SLC39A11: variants seen among roughly 807,000 people sequenced by gnomAD.
The protein encoded by SLC39A11 is zinc transporter ZIP11.
SLC39A11 carries 33 observed loss-of-function variants against 36.1 expected under a neutral mutation model. The ratio of observed to expected loss-of-function variants is 0.91; its 90% CI spans 0.69 to 1.22. The LOEUF (loss-of-function observed/expected upper bound fraction) is 1.22. SLC39A11 is among the 50% of genes most tolerant of loss of function. The pLI is 0.00. For missense variants in SLC39A11, 432 were observed against 430.3 expected (o/e 1.00, Z -0.03); for synonymous variants, 166 against 170.3 (o/e 0.97, Z 0.20).
chr17:72,749,941 G>A (rs1390731045), intron 6 of SLC39A11, among the ~76,000 whole-genome samples: 2 of 152,170 alleles, frequency 1.3e-5, no homozygotes, highest in African/African-American at 2.4e-5. Context: ...TGGCTGGGAA[G>A]GCCTGCAGCT....
chr17:73,029,956 A>G (rs1019534232), intron 4 of SLC39A11, among the ~76,000 whole-genome samples: 1 of 152,158 alleles, frequency 6.6e-6, no homozygotes, highest in Non-Finnish European at 1.5e-5. Context: ...TTTTGGCACC[A>G]AGGACTGGTT....
intron 6 of SLC39A11, among the ~76,000 whole-genome samples, chr17:72,767,056 A>T (rs2075782685): frequency 6.6e-6 from 1 of 152,116 alleles, no homozygotes; most frequent in South Asian, 2.1e-4. Flanking sequence ...AAGCTCTCTC[A>T]CCAATAAATA....
chr17:73,008,105 A>AAACAAGAAAAAG (rs2090285534), intron 4 of SLC39A11, among the ~76,000 whole-genome samples: 1 of 139,624 alleles, frequency 7.2e-6, no homozygotes. Context: ...TCAGTCTCAA[A>AAACAAGAAAAAG]AAAAAGAAAA....
chr17:72,711,980 G>T (rs1296031134), intron 7 of SLC39A11, among the ~76,000 whole-genome samples: 1 of 152,226 alleles, frequency 6.6e-6, no homozygotes, highest in African/African-American at 2.4e-5. Flanking sequence ...TCTGTACCTT[G>T]AACAGAAGCA....
intron 7 of SLC39A11, among the ~76,000 whole-genome samples, chr17:72,656,493 G>A (rs1178858571): frequency 6.6e-6 from 1 of 152,266 alleles, no homozygotes; most frequent in East Asian, 1.9e-4. Context: ...TGGGACAGGA[G>A]AGGAGAGAGG....
chr17:72,952,387 G>A (rs1162599478), intron 4 of SLC39A11, among the ~76,000 whole-genome samples: 1 of 152,176 alleles, frequency 6.6e-6, no homozygotes, highest in Non-Finnish European at 1.5e-5. Flanking sequence ...TTATCATAGC[G>A]TCCCTGGCGG....
At chr17:73,011,339 G>A (rs1468575028) in intron 4 of SLC39A11, among the ~76,000 whole-genome samples, 8 of 152,172 alleles carry the variant, frequency 5.3e-5, no homozygotes, top group East Asian at 1.9e-4. Flanking sequence ...GGCTGCAGAC[G>A]GCAGTTAGGG....
At position 72,783,004 on chromosome 17, in the gene SLC39A11, C is replaced by CAAA. The variant is rs34750819; in HGVS notation, c.602-46288_602-46286dup. Reference sequence around the variant, plus strand: ...ATGACAGCGCAAGACTCTGTCTCAACAAAAAAAAAAAAAAAAAAGAAAAAA... The same window carrying CAAA: ...ATGACAGCGCAAGACTCTGTCTCAACAAAAAAAAAAAAAAAAAAAAAGAAAAAA... On this transcript the variant is annotated intron_variant, in intron 6 of 9. Coordinates refer to ENST00000255559, the MANE Select transcript of SLC39A11 (RefSeq NM_139177.4). 4.7e-3 allele frequency among the ~76,000 whole-genome samples: 384 copies of CAAA among 80,980 alleles called. 25 individuals are homozygous for CAAA. The highest frequency in any genetic ancestry group is 0.019 in the East Asian group (42 of 2,250). The allele number at this position is 80,980 out of a possible 152,430, so 53.1% of individuals were successfully genotyped here.
intron 6 of SLC39A11, among the ~76,000 whole-genome samples, chr17:72,844,052 T>C (rs776465151): frequency 9.9e-5 from 15 of 152,238 alleles, no homozygotes; most frequent in Non-Finnish European, 1.8e-4. Flanking sequence ...CGATTCTCCA[T>C]TTAGTCATTG....
intron 5 of SLC39A11, among the ~76,000 whole-genome samples, chr17:72,890,902 A>T (rs1410361189): frequency 6.6e-6 from 1 of 152,162 alleles, no homozygotes; most frequent in Non-Finnish European, 1.5e-5. Context: ...GAAGGATGAG[A>T]ATGATTAAGC....
intron 6 of SLC39A11, among the ~76,000 whole-genome samples, chr17:72,786,360 A>C (rs2076515099): frequency 6.6e-6 from 1 of 152,178 alleles, no homozygotes; most frequent in African/African-American, 2.4e-5. Context: ...TGCCAACAAA[A>C]TTTTACACTT....
rs146245456 is a variant in SLC39A11 at position 72,794,920 on chromosome 17, G to A, written c.601+54714C>T. 1.8e-3 allele frequency among the ~76,000 whole-genome samples: 280 copies of A among 152,148 alleles called. 6 individuals are homozygous for A. The highest frequency in any genetic ancestry group is 6.8e-3 in the Middle Eastern group (2 of 294). ...AGGCACAAGACCTGTCAACATCCAC[G>A]ACATTAGCATCCACACTGGATATGA... On this transcript the variant is annotated intron_variant, in intron 6 of 9. Transcript: ENST00000255559.
At chr17:73,028,018 C>T (rs776932279) in intron 4 of SLC39A11, among the ~76,000 whole-genome samples, 6 of 152,166 alleles carry the variant, frequency 3.9e-5, no homozygotes, top group Non-Finnish European at 7.3e-5. Flanking sequence ...TCCTGGGGCC[C>T]GTCCCAAAGG....
intron 6 of SLC39A11, among the ~76,000 whole-genome samples, chr17:72,779,108 G>A (rs2076222571): frequency 1.3e-5 from 2 of 152,172 alleles, no homozygotes; most frequent in Admixed American, 1.3e-4. Flanking sequence ...TTTTCACTTA[G>A]TGTCCACCTG....
intron 4 of SLC39A11, among the ~76,000 whole-genome samples, chr17:72,979,799 A>C (rs1297655057): frequency 6.6e-6 from 1 of 152,180 alleles, no homozygotes; most frequent in Non-Finnish European, 1.5e-5. Context: ...CAGCTGGCAG[A>C]GTCTCAAACC....
intron 7 of SLC39A11, among the ~76,000 whole-genome samples, chr17:72,656,858 C>T (rs901410972): frequency 2.6e-5 from 4 of 151,838 alleles, no homozygotes; most frequent in Admixed American, 6.6e-5. Flanking sequence ...TTTTAAACAT[C>T]GAAGGCCGGG....
chr17:72,924,983 CAG>C (rs1452094849), intron 5 of SLC39A11, among the ~76,000 whole-genome samples: 1 of 127,570 alleles, frequency 7.8e-6, no homozygotes, highest in African/African-American at 3.2e-5. Context: ...GCCTGGGTGA[CAG>C]AGTGAGACTC....
At chr17:72,973,965 T>C (rs987122521) in intron 4 of SLC39A11, among the ~76,000 whole-genome samples, 12 of 152,282 alleles carry the variant, frequency 7.9e-5, no homozygotes, top group African/African-American at 2.9e-4. Context: ...GTGTGCATGA[T>C]GACATGAAAG....
At chr17:72,850,271 C>T (rs1567820770) in intron 5 of SLC39A11, among the ~76,000 whole-genome samples, 1 of 151,386 alleles carries the variant, frequency 6.6e-6, no homozygotes, top group Non-Finnish European at 1.5e-5. Flanking sequence ...CAACATGGCA[C>T]AATCCCATCT....
Sources: allele counts gnomAD v4.1 joint callset (sites outside exome capture counted in the v4.1 genomes callset), GRCh38; gene constraint gnomAD v4.1.1; transcripts MANE v1.5; gene names NCBI Gene and HGNC (gene_info 2026-07-23, HGNC 2026-07-21).